The following HERC2 variants were observed in gnomAD, a reference collection of about 807,000 sequenced individuals.
HERC2 encodes E3 ubiquitin-protein ligase HERC2.
Under a neutral mutation model 537.7 loss-of-function variants are expected in HERC2, and 102 were observed. The ratio of observed to expected loss-of-function variants is 0.19; its 90% CI spans 0.16 to 0.22. The LOEUF (loss-of-function observed/expected upper bound fraction) is 0.22, where lower values mean the gene tolerates loss of function less well. Ranked by LOEUF, HERC2 falls within the 10% of genes least tolerant of loss-of-function variation. The pLI, the probability that HERC2 is intolerant of heterozygous loss-of-function variation, is 1.00. For missense variants in HERC2, 4,236 were observed against 6,198.2 expected (o/e 0.68, Z 10.63); for synonymous variants, 2,224 against 2,466.2 (o/e 0.90, Z 2.91).
chr15:28,318,686 G>A (rs2077154919), intron 2 of HERC2, among the ~76,000 whole-genome samples: 1 of 152,078 alleles, frequency 6.6e-6, no homozygotes, highest in Non-Finnish European at 1.5e-5. Context: ...TATATGCCTG[G>A]CATAAAATGA....
chr15:28,300,551 G>A (rs1391520573), intron 2 of HERC2, among the ~76,000 whole-genome samples: 1 of 151,316 alleles, frequency 6.6e-6, no homozygotes, highest in Non-Finnish European at 1.5e-5. Context: ...GGCCGGCCAC[G>A]GTGGCTCACA....
rs1294096549 is a variant in HERC2 at position 28,229,361 on chromosome 15, T to C, written c.5121-15A>G. On this transcript the variant is annotated splice_polypyrimidine_tract_variant and intron_variant, in intron 33 of 92. Coordinates refer to ENST00000261609, the MANE Select transcript of HERC2 (RefSeq NM_004667.6). ...TAAGAGGTTCCCTTTCAAATAAAGA[T>C]AAAGAATTTGACTTGGGACACTGCC... The C allele has an allele frequency of 6.2e-7, 1 of 1,612,726 alleles. No homozygotes were observed. Among genetic ancestry groups the C allele is most frequent in the Non-Finnish European group, 8.5e-7 (1 of 1,178,746 alleles).
In HERC2 at chr15:28,132,233, A is replaced by G; in HGVS notation, c.12437T>C (p.Val4146Ala). The change falls in exon 81 of 93, where the codon GTT (valine) becomes GCT (alanine). Residue 4146 changes from valine to alanine, a missense_variant. Val to Ala is a moderately conservative substitution (Grantham distance 64). Transcript: ENST00000261609. Reference sequence around the variant, plus strand: ...ATCTCCACTGCCACAGGCGATGTCAACCACACGGTGGCCCTGCAGCGCCTC... The same window carrying G: ...ATCTCCACTGCCACAGGCGATGTCAGCCACACGGTGGCCCTGCAGCGCCTC... Reference protein sequence around the residue: ...LVEALQGHRVVDIACGSGDAQ... With the variant: ...LVEALQGHRVADIACGSGDAQ... The G allele has an allele frequency of 6.2e-7, 1 of 1,613,346 alleles. No individual in the cohort carries two copies. Among genetic ancestry groups the G allele is most frequent in the Non-Finnish European group, 8.5e-7 (1 of 1,179,430 alleles).
intron 65 of HERC2, among the ~76,000 whole-genome samples, chr15:28,171,245 G>A (rs899249347): frequency 9.2e-5 from 14 of 152,264 alleles, no homozygotes; most frequent in South Asian, 2.1e-4. Context: ...AATGTCCTTC[G>A]ATGGTTGAGT....
intron 2 of HERC2, among the ~76,000 whole-genome samples, chr15:28,320,918 G>A (rs376114341): frequency 6.6e-6 from 1 of 151,896 alleles, no homozygotes; most frequent in Non-Finnish European, 1.5e-5. Context: ...ACTAACTCTT[G>A]TCTCTCCAGA....
In HERC2 at chr15:28,269,380, A is replaced by G. The variant is rs2075658445; in HGVS notation, c.1314T>C (p.Asn438=). Residue 438 remains asparagine (N), a synonymous_variant, in exon 11 of 93, where the codon AAT becomes AAC. Coordinates refer to ENST00000261609, the MANE Select transcript of HERC2 (RefSeq NM_004667.6). ...WGLIGWKYYA[N]VIGPIQCEGL... The stretch of plus-strand genomic sequence containing the variant: ...CTTCGCACTGGATTGGACCAATCAC[A>G]TTGGCATAGTATTTCCATCCTATTA... The G allele has an allele frequency of 1.2e-6, 2 of 1,614,066 alleles. No homozygotes were observed. The highest frequency in any genetic ancestry group is 1.7e-5 in the Admixed American group (1 of 59,998).
chr15:28,182,326 T>C (rs1895899191), intron 57 of HERC2, 75 bp downstream of exon 57: 3 of 894,548 alleles, frequency 3.4e-6, no homozygotes, highest in Non-Finnish European at 5.6e-6. Flanking sequence ...GAGAGTAAAG[T>C]TATTATAGAA....
At chr15:28,286,069 T>A (rs2076150907) in intron 4 of HERC2, among the ~76,000 whole-genome samples, 1 of 151,906 alleles carries the variant, frequency 6.6e-6, no homozygotes, top group Non-Finnish European at 1.5e-5. Context: ...CAGACCCAAA[T>A]GAACTCACTG....
chr15:28,124,417 A>T (rs1889253634), intron 84 of HERC2, among the ~76,000 whole-genome samples, 183 bp from the exon 85 acceptor site: 1 of 152,170 alleles, frequency 6.6e-6, no homozygotes, highest in South Asian at 2.1e-4. Context: ...GTTTGACTGT[A>T]AAAAAAATTA....
At chr15:28,272,759 C>T (rs1454944028) in intron 8 of HERC2, 135 bp downstream of exon 8, 1 of 614,258 alleles carries the variant, frequency 1.6e-6, no homozygotes, top group Non-Finnish European at 2.8e-6. Flanking sequence ...GAGAGAGAGC[C>T]CTGGGACATG....
chr15:28,293,868 CA>C (rs2076390023), intron 3 of HERC2, among the ~76,000 whole-genome samples: 1 of 152,160 alleles, frequency 6.6e-6, no homozygotes, highest in Non-Finnish European at 1.5e-5. Context: ...AAGTTTCAGT[CA>C]AAAACAACTG....
At chr15:28,138,111 T>C (rs1164415753) in intron 78 of HERC2, among the ~76,000 whole-genome samples, 1 of 152,220 alleles carries the variant, frequency 6.6e-6, no homozygotes, top group Non-Finnish European at 1.5e-5. Flanking sequence ...TGAAGGAAAG[T>C]CTGAAGGTAA....
intron 3 of HERC2, among the ~76,000 whole-genome samples, chr15:28,296,096 A>G (rs1270234316): frequency 6.6e-6 from 1 of 151,774 alleles, no homozygotes; most frequent in Non-Finnish European, 1.5e-5. Context: ...TCTCCCTAAC[A>G]CCCCGAATCA....
At chr15:28,295,032 G>T (rs959780440) in intron 3 of HERC2, among the ~76,000 whole-genome samples, 12 of 152,106 alleles carry the variant, frequency 7.9e-5, no homozygotes, top group Admixed American at 7.9e-4. Context: ...AGCATTGTTA[G>T]CCATTACAGA....
chr15:28,215,050 TG>T (rs1899742672), intron 39 of HERC2, among the ~76,000 whole-genome samples: 1 of 152,098 alleles, frequency 6.6e-6, no homozygotes, highest in African/African-American at 2.4e-5. Flanking sequence ...CATTTTTTTT[TG>T]GATTTTTGGT....
At chr15:28,196,805 C>T (rs939055811) in intron 50 of HERC2, among the ~76,000 whole-genome samples, 2 of 152,182 alleles carry the variant, frequency 1.3e-5, no homozygotes, top group Admixed American at 6.5e-5. Flanking sequence ...AGGCGACAAT[C>T]GTTAAAGCCA....
At chr15:28,282,467 C>T (rs557023664) in intron 4 of HERC2, among the ~76,000 whole-genome samples, 2 of 151,762 alleles carry the variant, frequency 1.3e-5, no homozygotes, top group African/African-American at 4.8e-5. Context: ...AAGCCTAAGA[C>T]AAGAAAAGGA....
intron 55 of HERC2, 118 bp from the exon 56 acceptor site, chr15:28,186,870 C>A: frequency 1.7e-6 from 1 of 598,130 alleles, no homozygotes; most frequent in Admixed American, 2.9e-5. Flanking sequence ...TCCTTTACTT[C>A]AGTTCTGGAA....
intron 18 of HERC2, 21 bp from the exon 19 acceptor site, chr15:28,256,017 C>T (rs1178047062): frequency 6.2e-7 from 1 of 1,605,248 alleles, no homozygotes; most frequent in African/African-American, 1.3e-5. Flanking sequence ...AAGTGTGTGC[C>T]AATTTGAGTG....
Sources: gnomAD v4.1 joint callset for allele counts (sites outside exome capture counted in the v4.1 genomes callset) on GRCh38, gnomAD v4.1.1 for gene constraint, MANE v1.5 for transcripts, NCBI Gene and HGNC (gene_info 2026-07-23, HGNC 2026-07-21) for gene names.